STRIP1: variants seen among roughly 807,000 people sequenced by gnomAD.
STRIP1 encodes the protein striatin interacting protein 1, also known as striatin-interacting protein 1.
In STRIP1, 63 loss-of-function variants were observed where a neutral mutation model predicts 106.2. The observed-to-expected ratio is 0.59, with a 90% CI of 0.48 to 0.73. The LOEUF is 0.73. Ranked by LOEUF, STRIP1 falls within the 30% of genes least tolerant of loss-of-function variation. The pLI is 0.00. For missense variants in STRIP1, 857 were observed against 1,074.8 expected (o/e 0.80, Z 2.83); for synonymous variants, 390 against 413.0 (o/e 0.94, Z 0.67).
At chr1:110,034,126 TTGTC>T (rs1178012369), upstream of STRIP1, among the ~76,000 whole-genome samples, 1 of 152,386 alleles carries the variant, frequency 6.6e-6, no homozygotes, top group East Asian at 1.9e-4. Context: ...TGTCTATTGT[TTGTC>T]TGACCCACCA....
chr1:110,052,619 G>A (rs558979154), intron 20 of STRIP1, among the ~76,000 whole-genome samples: 2 of 152,072 alleles, frequency 1.3e-5, no homozygotes, highest in South Asian at 2.1e-4. Flanking sequence ...ACAGCTGCAC[G>A]CCACCATGTC....
chr1:110,033,608 A>G (rs1007547288), upstream of STRIP1, among the ~76,000 whole-genome samples: 3 of 151,844 alleles, frequency 2.0e-5, no homozygotes, highest in Non-Finnish European at 4.4e-5. Context: ...AGCTCAGATC[A>G]CTCTTCCTCT....
At chr1:110,047,980 G>A (rs1557794520) in intron 15 of STRIP1, 111 bp downstream of exon 15, 3 of 901,702 alleles carry the variant, frequency 3.3e-6, no homozygotes, top group East Asian at 2.7e-5. Flanking sequence ...CAGGTTAAAT[G>A]TAGGTATTTT....
chr1:110,039,661 C>A, intron 5 of STRIP1, 146 bp downstream of exon 5: 1 of 1,087,042 alleles, frequency 9.2e-7, no homozygotes, highest in Non-Finnish European at 1.3e-6. Flanking sequence ...GGTTGAATAA[C>A]GGAGTTGGTC....
intron 1 of STRIP1, 58 bp from the exon 2 acceptor site, chr1:110,037,833 A>G: frequency 8.4e-7 from 1 of 1,191,402 alleles, no homozygotes; most frequent in Non-Finnish European, 1.3e-6. Context: ...TCGAAGCATG[A>G]GTTTCTTTGA....
At chr1:110,033,502 G>T (rs969645272), upstream of STRIP1, among the ~76,000 whole-genome samples, 41 of 152,174 alleles carry the variant, frequency 2.7e-4, no homozygotes, top group Admixed American at 1.3e-4. Context: ...TCTGGAGTCT[G>T]GGGAGCCCAA....
chr1:110,039,874 A>G (rs1026621027), intron 5 of STRIP1: 8 of 1,297,288 alleles, frequency 6.2e-6, no homozygotes, highest in Non-Finnish European at 7.0e-6. Context: ...GGCCAGGCAC[A>G]AGACTGACAT....
chr1:110,047,766 T>TC lies in STRIP1; in HGVS notation c.1564-3dup, dbSNP rs773454604. The TC allele has an allele frequency of 9.6e-6, 15 of 1,563,022 alleles. No homozygotes were observed. Among genetic ancestry groups the TC allele is most frequent in the Non-Finnish European group, 1.3e-5 (15 of 1,152,620 alleles). ...GACCTGTGTCTGAATGGTCTACTCT[T>TC]CCCAGATTGCCCTCCTGAAGATCCT... On this transcript the variant is annotated splice_polypyrimidine_tract_variant and splice_region_variant and intron_variant, in intron 14 of 20. Coordinates refer to ENST00000369795, the MANE Select transcript of STRIP1 (RefSeq NM_033088.4).
upstream of STRIP1, among the ~76,000 whole-genome samples, chr1:110,033,095 T>C (rs1652270020): frequency 6.6e-6 from 1 of 152,252 alleles, no homozygotes. Context: ...TTCATCTGTC[T>C]GTGTGCCCTT....
intron 5 of STRIP1, chr1:110,040,000 G>C: frequency 1.2e-6 from 1 of 841,108 alleles, no homozygotes; most frequent in Non-Finnish European, 1.7e-6. Flanking sequence ...CTCATTGAGT[G>C]CCTGTGTGTC....
Position 110,045,046 on chromosome 1 carries a change from C to G in STRIP1, c.1384C>G (p.Pro462Ala), listed in dbSNP as rs1483221827. ...DTNTVVGLPR[P>A]IHESIKTLKQ... ...GAACACAGTGGTGGGGCTGCCCAGG[C>G]CAATCCACGAAAGCATCAAGACTCT... Residue 462 changes from proline to alanine, a missense_variant, in exon 12 of 21, where the codon CCA becomes GCA. Around this residue, in one of 2 missense-constraint regions of STRIP1, gnomAD observed 750 missense variants for 989.8 expected, o/e 0.76. Coordinates refer to ENST00000369795, the MANE Select transcript of STRIP1 (RefSeq NM_033088.4). 1 of 1,613,946 alleles carries G rather than the reference C, an allele frequency of 6.2e-7. No homozygotes were observed. The highest frequency in any genetic ancestry group is 1.7e-5 in the Admixed American group (1 of 59,982).
Position 110,042,998 on chromosome 1 carries a change from T to C in STRIP1, c.886-90T>C, listed in dbSNP as rs1652836707. On this transcript the variant is annotated intron_variant, in intron 8 of 20. Transcript: ENST00000369795. Reference sequence around the variant, plus strand: ...GTCTCTATAAAGACATGGGTCATGATGTCATGAATGTTTCTGAGCCTGACA... The same window carrying C: ...GTCTCTATAAAGACATGGGTCATGACGTCATGAATGTTTCTGAGCCTGACA... 5.5e-6 allele frequency: 7 copies of C among 1,278,194 alleles called. No individual in the cohort carries two copies. In the Admixed American group the frequency reaches 1.6e-4, roughly 29 times the overall value. 79.2% of individuals were successfully genotyped at this position (1,278,194 alleles called of 1,614,324 possible).
Position 110,051,886 on chromosome 1 carries a change from T to C in STRIP1, c.2265T>C (p.Asn755=), listed in dbSNP as rs781693690. 1 of 1,611,972 alleles carries C rather than the reference T, an allele frequency of 6.2e-7. No individual in the cohort carries two copies. Among genetic ancestry groups the C allele is most frequent in the East Asian group, 2.2e-5 (1 of 44,874 alleles). The part of the protein sequence containing the change: ...HRLNDDWAYG[N]DLDARPWDFQ... ...TGAACGACGACTGGGCATACGGCAA[T>C]GGTGAGACTCTGCACTCAGCCAGAT... is the stretch of plus-strand genomic sequence containing the variant. Residue 755 remains asparagine, a splice_region_variant and synonymous_variant, in exon 20 of 21, where the codon AAT becomes AAC. Transcript: ENST00000369795.
chr1:110,044,973 T>C, intron 11 of STRIP1, 42 bp from the exon 12 acceptor site: 1 of 1,613,812 alleles, frequency 6.2e-7, no homozygotes, highest in Non-Finnish European at 8.5e-7. Flanking sequence ...TCCCAGGTGA[T>C]TTGATGTCGA....
intron 8 of STRIP1, 76 bp from the exon 9 acceptor site, chr1:110,043,002 ATGAATGTTTC>A: frequency 7.5e-7 from 1 of 1,339,142 alleles, no homozygotes. Context: ...TCATGATGTC[ATGAATGTTTC>A]TGAGCCTGAC....
In STRIP1 at chr1:110,034,794, C is replaced by T. The variant is rs1652356808; in HGVS notation, c.157C>T (p.Arg53Cys). The stretch of plus-strand genomic sequence containing the variant: ...TGGGGGCAAAGCCCGCGAGTTCAAC[C>T]GCAACCAGCGCAAAGACTCAGAGGT... ...LPGGKAREFNRNQRKDSEGYS... is the reference protein window; with the variant it reads ...LPGGKAREFNCNQRKDSEGYS... Residue 53 changes from arginine to cysteine, a missense_variant, in exon 1 of 21, where the codon CGC becomes TGC. Physicochemically the swap from Arg to Cys is radical, Grantham distance 180. Around this residue, in one of 2 missense-constraint regions of STRIP1, gnomAD observed 107 missense variants for 85.1 expected, o/e 1.26. Transcript: ENST00000369795. 2.1e-6 allele frequency: 3 copies of T among 1,419,794 alleles called. No homozygotes were observed. The highest frequency in any genetic ancestry group is 2.7e-6 in the Non-Finnish European group (3 of 1,092,734). The allele number at this position is 1,419,794 out of a possible 1,614,324, so 87.9% of individuals were successfully genotyped here.
chr1:110,048,023 A>G (rs965752228), intron 15 of STRIP1, 154 bp downstream of exon 15: 7 of 653,626 alleles, frequency 1.1e-5, no homozygotes, highest in Non-Finnish European at 1.8e-5. Flanking sequence ...GAGATTAAAG[A>G]GTTTCACTGG....
rs1214147300 is a variant in STRIP1 at position 110,047,817 on chromosome 1, G to A, written c.1609G>A (p.Ala537Thr). The A allele has an allele frequency of 1.9e-6, 3 of 1,570,116 alleles. No homozygotes were observed. In the East Asian group the frequency reaches 7.0e-5, roughly 36 times the overall value. The change falls in exon 15 of 21, where the codon GCC (alanine) becomes ACC (threonine). Residue 537 changes from alanine to threonine, a missense_variant. Ala to Thr is a moderately conservative substitution (Grantham distance 58). Transcript: ENST00000369795. ...GTTGGCTGCAGCACCCACCTCAAAA[G>A]CCAAAACAGACTCAATCAACATCCT... Reference protein sequence around the residue: ...ILLAAAPTSKAKTDSINILAD... With the variant: ...ILLAAAPTSKTKTDSINILAD...
rs925758124 is a variant in STRIP1, at chr1:110,038,514, C to T, written c.251-169C>T. 2.0e-5 allele frequency among the ~76,000 whole-genome samples: 3 copies of T among 152,270 alleles called. No homozygotes were observed. In the South Asian group the frequency reaches 6.2e-4, roughly 32 times the overall value. ...GCACTCTGGTTGTCTCTATTGTGCA[C>T]ATCAGAGCACTAAGATCCCCTTCAT... is the stretch of plus-strand genomic sequence containing the variant. On this transcript the variant is annotated intron_variant, in intron 2 of 20. Coordinates refer to ENST00000369795, the MANE Select transcript of STRIP1 (RefSeq NM_033088.4).
Sources: gnomAD v4.1 joint callset for allele counts (sites outside exome capture counted in the v4.1 genomes callset) on GRCh38, gnomAD v4.1.1 for gene constraint, gnomAD v4.1.1 regional missense constraint, MANE v1.5 for transcripts, NCBI Gene and HGNC (gene_info 2026-07-23, HGNC 2026-07-21) for gene names.